The following ZNF462 variants were observed in gnomAD, a reference collection of about 807,000 sequenced individuals.
ZNF462 encodes zinc finger protein 462, also known as zinc finger PBX1-interacting protein.
Under a neutral mutation model 201.9 loss-of-function variants are expected in ZNF462, and 10 were observed. That is an observed-to-expected ratio of 0.05 (90% confidence interval 0.03 to 0.08). The LOEUF (loss-of-function observed/expected upper bound fraction) is 0.08. Ranked by LOEUF, ZNF462 falls within the 10% of genes least tolerant of loss-of-function variation. The pLI is 1.00. For missense variants in ZNF462, 2,523 were observed against 3,168.3 expected (o/e 0.80, Z 4.89); for synonymous variants, 1,227 against 1,193.3 (o/e 1.03, Z -0.58).
At position 106,864,822 on chromosome 9, in the gene ZNF462, T is replaced by A. The variant is rs547058345; in HGVS notation, c.-31+1467T>A. Among the ~76,000 whole-genome samples the A allele has an allele frequency of 1.1e-4, 16 of 152,292 alleles. No individual in the cohort carries two copies. The South Asian group carries it at 1.9e-3, about 18-fold the overall frequency. ...CTGTTTGGTTTGCTTTGGTTTTGTT[T>A]CTGGAGGTTGCTTGCAGGTTTTTGG... On this transcript the variant is annotated intron_variant, in intron 1 of 12. Coordinates refer to ENST00000277225, the MANE Select transcript of ZNF462 (RefSeq NM_021224.6).
chr9:106,865,402 A>T lies in ZNF462; in HGVS notation c.-31+2047A>T, dbSNP rs555072214. ...CTAAGCTGAGATTTTTTTGAGTTCT[A>T]GGGTTTGGTTATCATCATGTTTTGA... On this transcript the variant is annotated intron_variant, in intron 1 of 12. Transcript: ENST00000277225. The surrounding 1 kb of genome is among the most constrained non-coding windows in gnomAD (Gnocchi z 4.1). 6.6e-6 allele frequency among the ~76,000 whole-genome samples: 1 copy of T among 152,040 alleles called. No individual in the cohort carries two copies.
At chr9:106,878,586 T>G (rs1827943959) in intron 1 of ZNF462, among the ~76,000 whole-genome samples, 1 of 152,198 alleles carries the variant, frequency 6.6e-6, no homozygotes, top group Non-Finnish European at 1.5e-5. Context: ...CCAGGGGATA[T>G]GAGATCTCTC....
Position 106,938,821 on chromosome 9 carries a change from A to C in ZNF462, c.6236-95A>C, listed in dbSNP as rs1188661212. The C allele has an allele frequency of 7.7e-7, 1 of 1,304,264 alleles. No homozygotes were observed. Among genetic ancestry groups the C allele is most frequent in the Non-Finnish European group, 1.0e-6 (1 of 955,496 alleles). The allele number at this position is 1,304,264 out of a possible 1,614,324, so 80.8% of individuals were successfully genotyped here. On this transcript the variant is annotated intron_variant, in intron 6 of 12. Transcript: ENST00000277225. The surrounding 1 kb of genome is among the most constrained non-coding windows in gnomAD (Gnocchi z 4.4). ...CATGAAGCTTGAGATGCGCTTCTCT[A>C]GCATGAGTTAACTGAGTTATCTTGT...
chr9:106,951,083 C>T (rs560349979), intron 7 of ZNF462, among the ~76,000 whole-genome samples: 3 of 146,452 alleles, frequency 2.0e-5, no homozygotes, highest in African/African-American at 5.5e-5. Context: ...GAGTGAAACT[C>T]CATCTCAAAA....
intron 1 of ZNF462, among the ~76,000 whole-genome samples, chr9:106,912,780 G>A (rs2131318860): frequency 6.6e-6 from 1 of 152,274 alleles, no homozygotes; most frequent in South Asian, 2.1e-4. Context: ...CCTATTGATG[G>A]TTAACTTTTA....
Position 106,923,280 on chromosome 9 carries a change from A to AT in ZNF462, c.-30-73dup. On this transcript the variant is annotated intron_variant, in intron 1 of 12. Coordinates refer to ENST00000277225, the MANE Select transcript of ZNF462 (RefSeq NM_021224.6). This position sits in a 1 kb window ranked among gnomAD's most constrained non-coding sequence, Gnocchi z 5.6. ...TACTGGAATTTTTTCCCATTAATGG[A>AT]TATATAGCCCCATCAGCTCGAGGTA... is the stretch of plus-strand genomic sequence containing the variant. 1 of 1,127,690 alleles carries AT rather than the reference A, an allele frequency of 8.9e-7. No individual in the cohort carries two copies. Among genetic ancestry groups the AT allele is most frequent in the Non-Finnish European group, 1.3e-6 (1 of 757,394 alleles). 69.9% of individuals were successfully genotyped at this position (1,127,690 alleles called of 1,614,324 possible).
chr9:106,865,524 T>C lies in ZNF462; in HGVS notation c.-31+2169T>C, dbSNP rs1827292972. Among the ~76,000 whole-genome samples, 1 of 152,228 alleles carries C rather than the reference T, an allele frequency of 6.6e-6. No homozygotes were observed. Among genetic ancestry groups the C allele is most frequent in the Admixed American group, 6.5e-5 (1 of 15,284 alleles). ...CAAGATCTCAGAGGAACTCTAAGAC[T>C]GGCTAACACCAGTTTCTCCAGGTTC... On this transcript the variant is annotated intron_variant, in intron 1 of 12. Coordinates refer to ENST00000277225, the MANE Select transcript of ZNF462 (RefSeq NM_021224.6). The surrounding 1 kb of genome is among the most constrained non-coding windows in gnomAD (Gnocchi z 4.1).
In ZNF462 at chr9:106,886,287, T is replaced by C. The variant is rs932912676; in HGVS notation, c.-31+22932T>C. Reference sequence around the variant, plus strand: ...TCTCTGTCTTTTCATGACTTGGGTATGTTTATGTAGATCCAAAATTATTTT... The same window carrying C: ...TCTCTGTCTTTTCATGACTTGGGTACGTTTATGTAGATCCAAAATTATTTT... On this transcript the variant is annotated intron_variant, in intron 1 of 12. Coordinates refer to ENST00000277225, the MANE Select transcript of ZNF462 (RefSeq NM_021224.6). The surrounding 1 kb of genome is among the most constrained non-coding windows in gnomAD (Gnocchi z 4.6). Among the ~76,000 whole-genome samples the C allele has an allele frequency of 1.3e-5, 2 of 152,230 alleles. No homozygotes were observed. The highest frequency in any genetic ancestry group is 4.8e-5 in the African/African-American group (2 of 41,468).
chr9:106,904,211 A>G (rs1435913964), intron 1 of ZNF462, among the ~76,000 whole-genome samples: 1 of 152,170 alleles, frequency 6.6e-6, no homozygotes, highest in African/African-American at 2.4e-5. Flanking sequence ...GGGATACAAA[A>G]TTCTTTGCTG....
In ZNF462 at chr9:107,005,769, A is replaced by C. The variant is rs1829497831; in HGVS notation, c.7189+2343A>C. Among the ~76,000 whole-genome samples, 1 of 152,192 alleles carries C rather than the reference A, an allele frequency of 6.6e-6. No individual in the cohort carries two copies. The highest frequency in any genetic ancestry group is 2.4e-5 in the African/African-American group (1 of 41,446). ...AAAAATCATTGCCCAGACCAATGTC[A>C]TGGAGCTTTTCCCCTTTGTTTTTGT... On this transcript the variant is annotated intron_variant, in intron 11 of 12. Coordinates refer to ENST00000277225, the MANE Select transcript of ZNF462 (RefSeq NM_021224.6). The surrounding 1 kb of genome is among the most constrained non-coding windows in gnomAD (Gnocchi z 4.4).
chr9:106,995,406 CACA>C lies in ZNF462; in HGVS notation c.7057-7887_7057-7885del, dbSNP rs1828629960. 5 of 152,238 alleles carry C rather than the reference CACA, an allele frequency of 3.3e-5. No homozygotes were observed. In the South Asian group the frequency reaches 1.0e-3, roughly 32 times the overall value. The allele number at this position is 152,238 out of a possible 1,614,324, so 9.4% of individuals were successfully genotyped here. On this transcript the variant is annotated intron_variant, in intron 10 of 12. Transcript: ENST00000277225. Reference sequence around the variant, plus strand: ...AAAGGATGCTACTGTTCTATCCCATCACATTTTGCAACATAACGTTATTGTTAA... The same window carrying C: ...AAAGGATGCTACTGTTCTATCCCATCTTTTGCAACATAACGTTATTGTTAA...
intron 1 of ZNF462, among the ~76,000 whole-genome samples, chr9:106,884,598 G>T (rs1038846358): frequency 5.3e-5 from 8 of 152,022 alleles, no homozygotes; most frequent in Non-Finnish European, 8.8e-5. Flanking sequence ...CAGAATATCT[G>T]TCATTCATCA....
chr9:106,892,143 A>G (rs1047954320), intron 1 of ZNF462, among the ~76,000 whole-genome samples: 2 of 152,192 alleles, frequency 1.3e-5, no homozygotes, highest in Admixed American at 1.3e-4. Context: ...CATTGGTAGA[A>G]CTAATGGACC....
chr9:106,982,767 C>A (rs1168749021), intron 9 of ZNF462, among the ~76,000 whole-genome samples: 1 of 152,174 alleles, frequency 6.6e-6, no homozygotes, highest in Non-Finnish European at 1.5e-5. Context: ...TCAAGGACTC[C>A]CAAGGCAGTG....
At chr9:106,999,829 G>A (rs1266517777) in intron 10 of ZNF462, among the ~76,000 whole-genome samples, 1 of 152,148 alleles carries the variant, frequency 6.6e-6, no homozygotes, top group Non-Finnish European at 1.5e-5. Context: ...CAGTAGCCAG[G>A]AGGCGAGAAT....
At chr9:106,879,840 C>T (rs1289866013) in intron 1 of ZNF462, among the ~76,000 whole-genome samples, 2 of 152,164 alleles carry the variant, frequency 1.3e-5, no homozygotes, top group Non-Finnish European at 2.9e-5. Flanking sequence ...AACCTGAAAG[C>T]TGATGAGCAA....
At chr9:106,861,033 G>T (rs912492421), upstream of ZNF462, among the ~76,000 whole-genome samples, 3 of 151,188 alleles carry the variant, frequency 2.0e-5, no homozygotes, top group Non-Finnish European at 4.4e-5. Context: ...CCCTCTCCTC[G>T]CCTTTCCTCT....
Position 106,924,789 on chromosome 9 carries a change from G to T in ZNF462, c.877G>T (p.Ala293Ser). The T allele has an allele frequency of 1.9e-6, 3 of 1,614,088 alleles. No homozygotes were observed. Among genetic ancestry groups the T allele is most frequent in the Non-Finnish European group, 2.5e-6 (3 of 1,180,024 alleles). Reference sequence around the variant, plus strand: ...TCTACCTGATGTGCCGAACAAGAGTGCCCCCAGCCCCACTTCCAACTCCAC... The same window carrying T: ...TCTACCTGATGTGCCGAACAAGAGTTCCCCCAGCCCCACTTCCAACTCCAC... ...TNLPDVPNKS[A>S]PSPTSNSTYL... Residue 293 changes from alanine (A) to serine (S), a missense_variant, in exon 3 of 13, where the codon GCC (alanine) becomes TCC (serine). By Grantham distance (99) the Ala-to-Ser change is moderately conservative. This residue lies in a region of ZNF462 where 480 missense variants were observed against 544.4 expected (regional missense o/e 0.88). Coordinates refer to ENST00000277225, the MANE Select transcript of ZNF462 (RefSeq NM_021224.6). This position sits in a 1 kb window ranked among gnomAD's most constrained non-coding sequence, Gnocchi z 6.2.
At position 106,925,674 on chromosome 9, in the gene ZNF462, C is replaced by T. The variant is rs145288150; in HGVS notation, c.1762C>T (p.Pro588Ser). The T allele has an allele frequency of 4.6e-5, 74 of 1,614,036 alleles. No homozygotes were observed. The highest frequency in any genetic ancestry group is 5.9e-5 in the Non-Finnish European group (70 of 1,180,030). Reference protein sequence around the residue: ...PQTQPPPTQQPQPPTQAAPLH... With the variant: ...PQTQPPPTQQSQPPTQAAPLH... ...AACACAGCCACCACCAACGCAGCAGCCACAGCCACCCACACAAGCCGCACC... is the reference window on the plus strand; with the variant it reads ...AACACAGCCACCACCAACGCAGCAGTCACAGCCACCCACACAAGCCGCACC... The change falls in exon 3 of 13, where the codon CCA becomes TCA. Residue 588 changes from proline (P) to serine (S), a missense_variant. Pro to Ser is a moderately conservative substitution (Grantham distance 74). Coordinates refer to ENST00000277225, the MANE Select transcript of ZNF462 (RefSeq NM_021224.6). The surrounding 1 kb of genome is among the most constrained non-coding windows in gnomAD (Gnocchi z 7.9).
Sources: gnomAD v4.1 joint callset for allele counts (sites outside exome capture counted in the v4.1 genomes callset) on GRCh38, gnomAD v4.1.1 for gene constraint, gnomAD v4.1.1 regional missense constraint, Gnocchi (gnomAD v3.1) non-coding constraint, MANE v1.5 for transcripts, NCBI Gene and HGNC (gene_info 2026-07-23, HGNC 2026-07-21) for gene names.